ASCC3: variants seen among roughly 807,000 people sequenced by gnomAD.
The protein encoded by ASCC3 is ASC-1 complex subunit P200.
Under a neutral mutation model 256.3 loss-of-function variants are expected in ASCC3, and 158 were observed. The ratio of observed to expected loss-of-function variants is 0.62; its 90% CI spans 0.54 to 0.70. The LOEUF is 0.70. Ranked by LOEUF, ASCC3 falls within the 30% of genes least tolerant of loss-of-function variation. The pLI is 0.00. For synonymous variants in ASCC3, 948 were observed against 883.4 expected, an observed-to-expected ratio of 1.07 and a Z score of -1.30; for missense variants, 2,259 against 2,626.0, an observed-to-expected ratio of 0.86 and a Z score of 3.05.
At chr6:100,870,627 T>C (rs1434949143) in intron 1 of ASCC3, among the ~76,000 whole-genome samples, 1 of 152,174 alleles carries the variant, frequency 6.6e-6, no homozygotes, top group Admixed American at 6.5e-5. Flanking sequence ...GAAAAAACAG[T>C]TGGACTCTCT....
chr6:100,567,676 T>C (rs1421386350), intron 36 of ASCC3, among the ~76,000 whole-genome samples: 3 of 152,180 alleles, frequency 2.0e-5, no homozygotes, highest in Non-Finnish European at 4.4e-5. Flanking sequence ...TCTGTTCTTG[T>C]GTTAATTTGC....
At chr6:100,826,966 G>A (rs1771345610) in intron 4 of ASCC3, among the ~76,000 whole-genome samples, 1 of 152,078 alleles carries the variant, frequency 6.6e-6, no homozygotes. Flanking sequence ...AGTTACATTA[G>A]CCACATTTTA....
At chr6:100,837,226 G>A (rs1043632739) in intron 4 of ASCC3, among the ~76,000 whole-genome samples, 11 of 151,704 alleles carry the variant, frequency 7.3e-5, no homozygotes, top group South Asian at 4.2e-4. Context: ...AAAAACAAAC[G>A]AACAAAAAAC....
intron 1 of ASCC3, among the ~76,000 whole-genome samples, chr6:100,869,061 T>C (rs1431099108): frequency 6.6e-6 from 1 of 152,220 alleles, no homozygotes; most frequent in Non-Finnish European, 1.5e-5. Flanking sequence ...ATAAGCTATG[T>C]AAGTCTTTAA....
chr6:100,584,287 T>A (rs1288464873), intron 36 of ASCC3, among the ~76,000 whole-genome samples: 3 of 151,566 alleles, frequency 2.0e-5, no homozygotes, highest in Non-Finnish European at 4.4e-5. Context: ...TGGGTGCATA[T>A]ATATTTAGGA....
chr6:100,609,459 T>C (rs78329681), intron 30 of ASCC3, among the ~76,000 whole-genome samples: 2,137 of 152,250 alleles, frequency 0.014, 38 homozygotes, highest in African/African-American at 0.049. Flanking sequence ...TAAACTGTCA[T>C]ATATCTAAAT....
At chr6:100,572,342 C>T (rs2114727155) in intron 36 of ASCC3, among the ~76,000 whole-genome samples, 1 of 152,280 alleles carries the variant, frequency 6.6e-6, no homozygotes, top group South Asian at 2.1e-4. Flanking sequence ...ACTGAATCTG[C>T]TGATTCCTTG....
intron 4 of ASCC3, among the ~76,000 whole-genome samples, chr6:100,845,359 G>A (rs1394597044): frequency 6.6e-6 from 1 of 152,052 alleles, no homozygotes; most frequent in Non-Finnish European, 1.5e-5. Flanking sequence ...TTCTCAAAAC[G>A]GAACTTGATG....
intron 36 of ASCC3, among the ~76,000 whole-genome samples, chr6:100,589,104 GA>G (rs1488898753): frequency 1.3e-5 from 2 of 152,082 alleles, no homozygotes; most frequent in Non-Finnish European, 2.9e-5. Context: ...GCAAAAAAAG[GA>G]AAAATGAACA....
At chr6:100,687,012 T>C (rs1342588755) in intron 13 of ASCC3, among the ~76,000 whole-genome samples, 1 of 134,672 alleles carries the variant, frequency 7.4e-6, no homozygotes, top group East Asian at 2.1e-4. Flanking sequence ...TGTACTTAAA[T>C]CTCTCTCTCT....
chr6:100,871,239 G>A (rs1773727095), intron 1 of ASCC3, among the ~76,000 whole-genome samples: 1 of 152,002 alleles, frequency 6.6e-6, no homozygotes, highest in Non-Finnish European at 1.5e-5. Flanking sequence ...GGGATTACAG[G>A]TACGCACCAC....
At chr6:100,569,378 T>A (rs1294996445) in intron 36 of ASCC3, among the ~76,000 whole-genome samples, 5 of 152,038 alleles carry the variant, frequency 3.3e-5, no homozygotes, top group African/African-American at 9.7e-5. Context: ...AACCTTTTTT[T>A]ATTTATTATT....
intron 4 of ASCC3, among the ~76,000 whole-genome samples, chr6:100,810,276 C>A (rs1182734363): frequency 6.6e-6 from 1 of 152,100 alleles, no homozygotes; most frequent in South Asian, 2.1e-4. Context: ...AGCACAGTAA[C>A]CTCTCCTTTC....
intron 1 of ASCC3, 70 bp from the exon 2 acceptor site, chr6:100,868,108 G>T: frequency 1.2e-6 from 1 of 857,498 alleles, no homozygotes; most frequent in Non-Finnish European, 1.9e-6. Flanking sequence ...CAACAAATTA[G>T]CTTGTACAAG....
At chr6:100,830,728 GA>G (rs1771579577) in intron 4 of ASCC3, among the ~76,000 whole-genome samples, 1 of 152,306 alleles carries the variant, frequency 6.6e-6, no homozygotes, top group African/African-American at 2.4e-5. Context: ...TTGCTTCACA[GA>G]AATTCAATTC....
intron 10 of ASCC3, among the ~76,000 whole-genome samples, chr6:100,743,890 C>T (rs558546908): frequency 1.3e-5 from 2 of 152,220 alleles, no homozygotes; most frequent in African/African-American, 4.8e-5. Flanking sequence ...AAAATAATGC[C>T]TGACAGATAG....
At chr6:100,835,858 C>T (rs1771850151) in intron 4 of ASCC3, among the ~76,000 whole-genome samples, 1 of 152,086 alleles carries the variant, frequency 6.6e-6, no homozygotes, top group African/African-American at 2.4e-5. Context: ...ATGTAATCAA[C>T]ATTAATTCTT....
chr6:100,648,988 G>C (rs1456874561), intron 20 of ASCC3, among the ~76,000 whole-genome samples: 1 of 151,774 alleles, frequency 6.6e-6, no homozygotes, highest in Non-Finnish European at 1.5e-5. Context: ...GCTGAGGAGA[G>C]AAAGTTTAAA....
At chr6:100,574,221 GA>G (rs1562129382) in intron 36 of ASCC3, among the ~76,000 whole-genome samples, 1 of 152,100 alleles carries the variant, frequency 6.6e-6, no homozygotes, top group African/African-American at 2.4e-5. Flanking sequence ...TTTAATAAAT[GA>G]CAAGCTAAAA....
Sources: allele counts gnomAD v4.1 joint callset (sites outside exome capture counted in the v4.1 genomes callset), GRCh38; gene constraint gnomAD v4.1.1; transcripts MANE v1.5; gene names NCBI Gene and HGNC (gene_info 2026-07-23, HGNC 2026-07-21).